The following NCOA2 variants were observed in gnomAD, a reference collection of about 807,000 sequenced individuals.
NCOA2 encodes the protein nuclear receptor coactivator 2.
NCOA2 carries 21 observed loss-of-function variants against 145.1 expected under a neutral mutation model. That is an observed-to-expected ratio of 0.14 (90% confidence interval 0.10 to 0.21). The LOEUF (loss-of-function observed/expected upper bound fraction) is 0.21, where lower values mean the gene tolerates loss of function less well. NCOA2 is among the 10% of genes least tolerant of loss of function. The pLI is 1.00. For missense variants in NCOA2, 1,472 were observed against 1,837.6 expected (o/e 0.80, Z 3.64); for synonymous variants, 619 against 637.5 (o/e 0.97, Z 0.44).
At chr8:70,454,730 A>G in the NCOA2 span, among the ~76,000 whole-genome samples, 1 of 152,226 alleles carries the variant, frequency 6.6e-6, no homozygotes, top group Non-Finnish European at 1.5e-5. Context: ...ACGAGACAGG[A>G]TACCCCTGTT....
At chr8:70,236,007 C>T (rs534777938) in intron 2 of NCOA2, among the ~76,000 whole-genome samples, 51 of 152,254 alleles carry the variant, frequency 3.3e-4, no homozygotes, top group South Asian at 1.0e-3. Flanking sequence ...AAAAATCATG[C>T]CGCCTGCTAA....
At chr8:70,256,248 A>G (rs920623532) in intron 2 of NCOA2, among the ~76,000 whole-genome samples, 21 of 152,164 alleles carry the variant, frequency 1.4e-4, no homozygotes, top group African/African-American at 4.6e-4. Flanking sequence ...AACCATTCCT[A>G]GAGACCAGCT....
At chr8:70,328,714 TA>T (rs1806812166) in intron 1 of NCOA2, among the ~76,000 whole-genome samples, 1 of 152,092 alleles carries the variant, frequency 6.6e-6, no homozygotes, top group Non-Finnish European at 1.5e-5. Flanking sequence ...TTTTTCATGT[TA>T]AAAAATAACT....
chr8:70,178,391 C>T (rs1815102292), intron 4 of NCOA2, among the ~76,000 whole-genome samples: 1 of 152,164 alleles, frequency 6.6e-6, no homozygotes, highest in African/African-American at 2.4e-5. Flanking sequence ...CTTATAAATG[C>T]AAAACATGCT....
chr8:70,230,678 T>C (rs1821056248), intron 2 of NCOA2, among the ~76,000 whole-genome samples: 1 of 152,190 alleles, frequency 6.6e-6, no homozygotes, highest in Non-Finnish European at 1.5e-5. Context: ...GAGTAAGAAT[T>C]TTAATTTTTT....
chr8:70,204,954 G>C (rs1818279914), intron 4 of NCOA2, among the ~76,000 whole-genome samples: 1 of 152,228 alleles, frequency 6.6e-6, no homozygotes, highest in Non-Finnish European at 1.5e-5. Context: ...GTTGCAGTGA[G>C]CGGAGATCGT....
intron 1 of NCOA2, among the ~76,000 whole-genome samples, chr8:70,328,207 T>G (rs1255079239): frequency 6.6e-6 from 1 of 152,180 alleles, no homozygotes; most frequent in Non-Finnish European, 1.5e-5. Flanking sequence ...ATTCAAGAAC[T>G]TTTCAGCAGA....
intron 1 of NCOA2, among the ~76,000 whole-genome samples, chr8:70,364,854 T>C (rs1169518859): frequency 2.0e-5 from 3 of 151,322 alleles, no homozygotes; most frequent in Non-Finnish European, 1.5e-5. Context: ...TCCCCCAGTC[T>C]GTGCACATCA....
chr8:70,195,674 T>G (rs1319201693), intron 4 of NCOA2, among the ~76,000 whole-genome samples: 1 of 152,256 alleles, frequency 6.6e-6, no homozygotes. Flanking sequence ...CCAAAGTTCT[T>G]GATATTTACA....
intron 1 of NCOA2, among the ~76,000 whole-genome samples, chr8:70,398,889 C>A (rs1813949213): frequency 6.6e-6 from 1 of 152,164 alleles, no homozygotes; most frequent in Non-Finnish European, 1.5e-5. Context: ...ATAGAGTAAA[C>A]ACATAAAATC....
At chr8:70,390,631 G>C (rs1037451567) in intron 1 of NCOA2, among the ~76,000 whole-genome samples, 6 of 151,798 alleles carry the variant, frequency 4.0e-5, no homozygotes, top group Non-Finnish European at 8.8e-5. Flanking sequence ...GTCGGACATA[G>C]TGGCGCACAC....
chr8:70,226,009 A>G (rs1468178019), intron 2 of NCOA2, among the ~76,000 whole-genome samples: 1 of 152,200 alleles, frequency 6.6e-6, no homozygotes, highest in Non-Finnish European at 1.5e-5. Flanking sequence ...TAATAAACAT[A>G]AACTGTTATC....
rs541111067 is a variant in NCOA2 at position 70,186,316 on chromosome 8, A to C, written c.260-11457T>G. 6.6e-5 allele frequency among the ~76,000 whole-genome samples: 10 copies of C among 152,334 alleles called. No individual in the cohort carries two copies. In the East Asian group the frequency reaches 1.7e-3, roughly 26 times the overall value. On this transcript the variant is annotated intron_variant, in intron 4 of 22. Coordinates refer to ENST00000452400, the MANE Select transcript of NCOA2 (RefSeq NM_006540.4). ...GAAACAGATTCTGTTCAAATGCTTGAAACAGCTTAATTTTGAATTCACATT... is the reference window on the plus strand; with the variant it reads ...GAAACAGATTCTGTTCAAATGCTTGCAACAGCTTAATTTTGAATTCACATT...
At chr8:70,147,000 TG>T (rs1811139919) in intron 12 of NCOA2, among the ~76,000 whole-genome samples, 1 of 152,186 alleles carries the variant, frequency 6.6e-6, no homozygotes. Flanking sequence ...CTGTCTAGTG[TG>T]TTTCTTACCC....
At chr8:70,361,765 C>T (rs1469042195) in intron 1 of NCOA2, among the ~76,000 whole-genome samples, 1 of 152,142 alleles carries the variant, frequency 6.6e-6, no homozygotes, top group Non-Finnish European at 1.5e-5. Flanking sequence ...AAATGGAATG[C>T]CAATACTTAC....
intron 4 of NCOA2, among the ~76,000 whole-genome samples, chr8:70,188,355 T>C (rs978649554): frequency 2.6e-5 from 4 of 152,222 alleles, no homozygotes; most frequent in Non-Finnish European, 5.9e-5. Context: ...TAGGGTTTCC[T>C]GAGAGCAAGT....
chr8:70,260,068 T>C (rs1199742023), intron 2 of NCOA2, among the ~76,000 whole-genome samples: 2 of 152,218 alleles, frequency 1.3e-5, no homozygotes, highest in Non-Finnish European at 2.9e-5. Flanking sequence ...GTTACAACCA[T>C]AACCCTCCTT....
chr8:70,281,689 T>C (rs1359654391), intron 2 of NCOA2, among the ~76,000 whole-genome samples: 1 of 152,146 alleles, frequency 6.6e-6, no homozygotes, highest in East Asian at 1.9e-4. Flanking sequence ...CTTCCACATA[T>C]CCTGCCTGAA....
the NCOA2 span, among the ~76,000 whole-genome samples, chr8:70,410,994 G>C: frequency 6.6e-6 from 1 of 152,088 alleles, no homozygotes; most frequent in African/African-American, 2.4e-5. Context: ...GTTACATTTT[G>C]ACAAACCATT....
Sources: allele counts gnomAD v4.1 joint callset (sites outside exome capture counted in the v4.1 genomes callset), GRCh38; gene constraint gnomAD v4.1.1; transcripts MANE v1.5; gene names NCBI Gene and HGNC (gene_info 2026-07-23, HGNC 2026-07-21).